GALNT13: variants seen among roughly 807,000 people sequenced by gnomAD.
GALNT13 encodes polypeptide N-acetylgalactosaminyltransferase 13, also known as UDP-GalNAc:polypeptide N-acetylgalactosaminyltransferase 13.
In GALNT13, 28 loss-of-function variants were observed where a neutral mutation model predicts 64.2. The ratio of observed to expected loss-of-function variants is 0.44; its 90% CI spans 0.32 to 0.60. GALNT13 has a LOEUF of 0.60. Ranked by LOEUF, GALNT13 falls within the 20% of genes least tolerant of loss-of-function variation. The pLI is 0.05. For synonymous variants in GALNT13, 214 were observed against 224.6 expected (o/e 0.95, Z 0.42); for missense variants, 577 against 669.8 (o/e 0.86, Z 1.53).
At chr2:154,412,550 ATT>A (rs914081435) in intron 11 of GALNT13, among the ~76,000 whole-genome samples, 147 of 149,126 alleles carry the variant, frequency 9.9e-4, no homozygotes, top group African/African-American at 3.5e-3. Flanking sequence ...AAAAAAAGGT[ATT>A]TTTTTTTTGT....
At chr2:153,795,039 C>T in the GALNT13 span, among the ~76,000 whole-genome samples, 72 of 152,002 alleles carry the variant, frequency 4.7e-4, no homozygotes, top group African/African-American at 1.7e-3. Flanking sequence ...AAACAAAAGG[C>T]TAAACAGACC....
intron 3 of GALNT13, among the ~76,000 whole-genome samples, chr2:154,090,706 T>G (rs1701762100): frequency 6.6e-6 from 1 of 152,034 alleles, no homozygotes; most frequent in African/African-American, 2.4e-5. Flanking sequence ...AAAATAACTT[T>G]CCTCTATTAG....
upstream of GALNT13, among the ~76,000 whole-genome samples, chr2:153,869,158 A>AT (rs1685810039): frequency 6.6e-6 from 1 of 152,230 alleles, no homozygotes; most frequent in East Asian, 1.9e-4. Flanking sequence ...ATTTTATTAT[A>AT]TTTTTTAAAG....
At chr2:153,913,383 CTG>C (rs1439769773) in intron 2 of GALNT13, among the ~76,000 whole-genome samples, 1 of 152,144 alleles carries the variant, frequency 6.6e-6, no homozygotes, top group Non-Finnish European at 1.5e-5. Flanking sequence ...GAAGGTTTGT[CTG>C]TGCACACATG....
At chr2:154,205,546 ATGCTGCTG>A (rs1261964984) in intron 4 of GALNT13, among the ~76,000 whole-genome samples, 1 of 152,250 alleles carries the variant, frequency 6.6e-6, no homozygotes, top group Non-Finnish European at 1.5e-5. Context: ...GTTCATTTTC[ATGCTGCTG>A]ATAAAGACAT....
chr2:153,699,216 CA>C, the GALNT13 span, among the ~76,000 whole-genome samples: 2 of 151,908 alleles, frequency 1.3e-5, no homozygotes, highest in African/African-American at 4.8e-5. Context: ...CATGGAAATT[CA>C]ACAATCTGCA....
chr2:154,110,019 AT>A (rs1308591347), intron 3 of GALNT13, among the ~76,000 whole-genome samples: 1 of 151,370 alleles, frequency 6.6e-6, no homozygotes, highest in Non-Finnish European at 1.5e-5. Flanking sequence ...TTTCTTTTCA[AT>A]TTTTTTGGAA....
intron 3 of GALNT13, among the ~76,000 whole-genome samples, chr2:154,064,527 T>A (rs1235578638): frequency 1.3e-5 from 2 of 152,074 alleles, no homozygotes; most frequent in Non-Finnish European, 2.9e-5. Context: ...GTCTTGGAAC[T>A]TGGATACCAG....
the GALNT13 span, among the ~76,000 whole-genome samples, chr2:153,683,789 A>C: frequency 6.6e-6 from 1 of 151,758 alleles, no homozygotes; most frequent in South Asian, 2.1e-4. Context: ...CATCATTTCT[A>C]ATCTTTTGGG....
At chr2:153,313,673 C>T in the GALNT13 span, among the ~76,000 whole-genome samples, 1 of 152,202 alleles carries the variant, frequency 6.6e-6, no homozygotes, top group South Asian at 2.1e-4. Context: ...TATAACAAAC[C>T]TGCACACGTA....
chr2:154,208,301 A>G (rs948151209), intron 4 of GALNT13, among the ~76,000 whole-genome samples: 2 of 152,186 alleles, frequency 1.3e-5, no homozygotes, highest in Non-Finnish European at 2.9e-5. Flanking sequence ...TTGAGTCATT[A>G]TGAGAAAAGC....
intron 3 of GALNT13, among the ~76,000 whole-genome samples, chr2:154,036,561 C>G (rs1445988285): frequency 6.6e-6 from 1 of 152,010 alleles, no homozygotes; most frequent in Non-Finnish European, 1.5e-5. Flanking sequence ...TCTTATTGAC[C>G]TGTATGTTTA....
chr2:153,348,742 T>C, the GALNT13 span, among the ~76,000 whole-genome samples: 1 of 152,192 alleles, frequency 6.6e-6, no homozygotes, highest in Non-Finnish European at 1.5e-5. Flanking sequence ...GTAAAGCTTA[T>C]TTTAACAAAA....
At chr2:153,904,416 A>G (rs1436525112) in intron 2 of GALNT13, among the ~76,000 whole-genome samples, 4 of 151,944 alleles carry the variant, frequency 2.6e-5, no homozygotes, top group Non-Finnish European at 4.4e-5. Context: ...CAGTATTCCA[A>G]AGTAACTATA....
intron 8 of GALNT13, among the ~76,000 whole-genome samples, chr2:154,301,174 G>C (rs1222345028): frequency 6.6e-6 from 1 of 152,140 alleles, no homozygotes; most frequent in East Asian, 1.9e-4. Flanking sequence ...TTCTAATAAA[G>C]AGACATACAT....
chr2:153,517,576 A>G, the GALNT13 span, among the ~76,000 whole-genome samples: 85 of 152,294 alleles, frequency 5.6e-4, no homozygotes, highest in Admixed American at 1.1e-3. Context: ...TATTGATAGT[A>G]TTGAATTTTA....
At chr2:153,294,117 C>G in the GALNT13 span, among the ~76,000 whole-genome samples, 2 of 143,184 alleles carry the variant, frequency 1.4e-5, no homozygotes, top group African/African-American at 4.9e-5. Context: ...GCCACTGCAC[C>G]TGGCCTATCT....
chr2:153,523,104 G>A, the GALNT13 span, among the ~76,000 whole-genome samples: 706 of 92,650 alleles, frequency 7.6e-3, 5 homozygotes, highest in Middle Eastern at 0.012. Flanking sequence ...ACCATTTGTT[G>A]AAAAGATTCT....
the GALNT13 span, among the ~76,000 whole-genome samples, chr2:153,763,282 C>G: frequency 6.6e-6 from 1 of 152,234 alleles, no homozygotes; most frequent in African/African-American, 2.4e-5. Flanking sequence ...AAAGAAGGTC[C>G]TCTAGTCATT....
Sources: gnomAD v4.1 joint callset for allele counts (sites outside exome capture counted in the v4.1 genomes callset) on GRCh38, gnomAD v4.1.1 for gene constraint, MANE v1.5 for transcripts, NCBI Gene and HGNC (gene_info 2026-07-23, HGNC 2026-07-21) for gene names.